Variants in DOCK2 observed in about 807,000 individuals in gnomAD.
DOCK2 encodes dedicator of cytokinesis protein 2.
DOCK2 carries 87 observed loss-of-function variants against 248.9 expected under a neutral mutation model. The observed-to-expected ratio is 0.35, with a 90% CI of 0.29 to 0.42. The LOEUF is 0.42. Among genes scored for constraint, DOCK2 ranks in the 10% least tolerant of loss-of-function variants. The probability of loss-of-function intolerance (pLI) is 1.00; values close to 1 mark genes in which losing one functional copy is unlikely to be tolerated. For synonymous variants in DOCK2, 805 were observed against 821.6 expected (o/e 0.98, Z 0.35); for missense variants, 1,747 against 2,300.2 (o/e 0.76, Z 4.92).
intron 27 of DOCK2, among the ~76,000 whole-genome samples, chr5:169,960,746 C>A (rs1052151678): frequency 6.6e-6 from 1 of 151,988 alleles, no homozygotes; most frequent in Non-Finnish European, 1.5e-5. Context: ...TAATTGTGGT[C>A]CAAAAATATT....
chr5:169,864,376 G>T (rs1030441634), intron 27 of DOCK2: 5 of 1,551,358 alleles, frequency 3.2e-6, no homozygotes, highest in Middle Eastern at 1.7e-4. Context: ...TGGGGGCGAT[G>T]CCTCCTCAAC....
chr5:169,740,003 C>G (rs1284685761), intron 22 of DOCK2, among the ~76,000 whole-genome samples: 1 of 152,104 alleles, frequency 6.6e-6, no homozygotes, highest in Non-Finnish European at 1.5e-5. Flanking sequence ...GGGGAAAAAC[C>G]CTAAATACCA....
chr5:169,848,743 G>T (rs1416966587), intron 27 of DOCK2, among the ~76,000 whole-genome samples: 1 of 152,194 alleles, frequency 6.6e-6, no homozygotes, highest in African/African-American at 2.4e-5. Flanking sequence ...GCTATTGAGT[G>T]ATTAAGTAAA....
chr5:169,674,489 ATCC>A, intron 6 of DOCK2, 44 bp downstream of exon 6: 1 of 1,607,164 alleles, frequency 6.2e-7, no homozygotes, highest in Non-Finnish European at 8.5e-7. Context: ...TCCCCCAGCC[ATCC>A]TCTTTCTTCC....
intron 27 of DOCK2, among the ~76,000 whole-genome samples, chr5:169,941,145 GC>G (rs1776229623): frequency 1.3e-5 from 2 of 152,294 alleles, no homozygotes; most frequent in South Asian, 4.1e-4. Flanking sequence ...TGTCGGGAGA[GC>G]AGATAACAAG....
At chr5:169,759,640 C>T (rs887772158) in intron 23 of DOCK2, 65 bp from the exon 24 acceptor site, 2 of 1,551,408 alleles carry the variant, frequency 1.3e-6, no homozygotes, top group African/African-American at 2.7e-5. Flanking sequence ...CTGCAAAGTA[C>T]CCTCTTTGCC....
intron 27 of DOCK2, among the ~76,000 whole-genome samples, chr5:169,907,778 T>C (rs1774368388): frequency 2.0e-5 from 3 of 152,110 alleles, no homozygotes; most frequent in African/African-American, 4.8e-5. Context: ...TCTGCAACCT[T>C]ACAGGGACAT....
chr5:169,840,880 T>C, intron 27 of DOCK2, 28 bp downstream of exon 27: 2 of 1,608,842 alleles, frequency 1.2e-6, no homozygotes, highest in Non-Finnish European at 1.7e-6. Flanking sequence ...TCTTGTCAAA[T>C]GTTGCAAGCT....
chr5:170,079,087 A>G lies in DOCK2; in HGVS notation c.5107A>G (p.Lys1703Glu). 6.2e-7 allele frequency: 1 copy of G among 1,614,146 alleles called. No individual in the cohort carries two copies. Among genetic ancestry groups the G allele is most frequent in the East Asian group, 2.2e-5 (1 of 44,868 alleles). ...GCTGCGGAGGTCCAAGAAGAGGACA[A>G]AGAGAAGCAGCGTAGTTTTTGCGGA... is the stretch of plus-strand genomic sequence containing the variant. ...VKLRRSKKRT[K>E]RSSVVFADEK... Residue 1703 changes from lysine (K) to glutamate (E), a missense_variant, in exon 49 of 52, where the codon AAG (lysine) becomes GAG (glutamate). By Grantham distance (56) the Lys-to-Glu change is moderately conservative. Transcript: ENST00000520908.
At chr5:169,782,091 T>A (rs542882095) in intron 25 of DOCK2, among the ~76,000 whole-genome samples, 1 of 152,150 alleles carries the variant, frequency 6.6e-6, no homozygotes, top group Non-Finnish European at 1.5e-5. Flanking sequence ...AGAAATTAAG[T>A]AGGTCCCAGT....
chr5:169,905,953 T>C (rs1217631514), intron 27 of DOCK2, among the ~76,000 whole-genome samples: 1 of 152,222 alleles, frequency 6.6e-6, no homozygotes, highest in East Asian at 1.9e-4. Context: ...GTCTGTTGCC[T>C]TCGTTCAGAA....
At chr5:169,736,594 T>C (rs1412534858) in intron 22 of DOCK2, among the ~76,000 whole-genome samples, 1 of 152,254 alleles carries the variant, frequency 6.6e-6, no homozygotes, top group Non-Finnish European at 1.5e-5. Context: ...GTTCCCACTT[T>C]GGAAGGCATC....
intron 27 of DOCK2, chr5:169,883,056 G>C (rs761275602): frequency 6.4e-7 from 1 of 1,551,586 alleles, no homozygotes. Context: ...AGTTGTCTTT[G>C]GGCAAAAGCA....
chr5:169,853,884 G>A (rs1770752721), intron 27 of DOCK2, among the ~76,000 whole-genome samples: 2 of 116,444 alleles, frequency 1.7e-5, no homozygotes, highest in Non-Finnish European at 3.2e-5. Context: ...CACCCAGGCT[G>A]GAGTGCAGTG....
intron 27 of DOCK2, chr5:169,881,218 T>C (rs1772627437): frequency 3.0e-6 from 2 of 657,498 alleles, no homozygotes; most frequent in Admixed American, 5.1e-5. Context: ...AACAAAGCAA[T>C]CCCTGCCTTG....
chr5:169,713,549 G>GA (rs375847780), intron 17 of DOCK2, among the ~76,000 whole-genome samples: 2,340 of 147,488 alleles, frequency 0.016, 57 homozygotes, highest in African/African-American at 0.054. Flanking sequence ...GTTTACTAAT[G>GA]AAAAAAAAAA....
intron 24 of DOCK2, among the ~76,000 whole-genome samples, chr5:169,760,319 AC>A (rs752429781): frequency 6.6e-6 from 1 of 152,178 alleles, no homozygotes; most frequent in Non-Finnish European, 1.5e-5. Flanking sequence ...GACTTAAAAG[AC>A]TTTTTATATT....
At chr5:169,689,231 C>T (rs1213621281) in intron 8 of DOCK2, 21 bp from the exon 9 acceptor site, 1 of 1,613,236 alleles carries the variant, frequency 6.2e-7, no homozygotes, top group African/African-American at 1.3e-5. Flanking sequence ...CAGTAACGGG[C>T]TGCCACTCTT....
intron 26 of DOCK2, among the ~76,000 whole-genome samples, chr5:169,834,109 CAT>C (rs2113302046): frequency 1.4e-5 from 2 of 146,588 alleles, no homozygotes; most frequent in South Asian, 2.3e-4. Context: ...GTCCTACTCA[CAT>C]GCTCAGTCAG....
Sources: allele counts gnomAD v4.1 joint callset (sites outside exome capture counted in the v4.1 genomes callset), GRCh38; gene constraint gnomAD v4.1.1; transcripts MANE v1.5; gene names NCBI Gene and HGNC (gene_info 2026-07-23, HGNC 2026-07-21).